The following PAM variants were observed in gnomAD, a reference collection of about 807,000 sequenced individuals.
PAM encodes the protein peptidylglycine alpha-amidating monooxygenase.
PAM carries 72 observed loss-of-function variants against 122.1 expected under a neutral mutation model. That is an observed-to-expected ratio of 0.59 (90% CI 0.49 to 0.72). The LOEUF is 0.72. PAM is among the 30% of genes least tolerant of loss of function. The probability of loss-of-function intolerance (pLI) is 0.00; values close to 1 mark genes in which losing one functional copy is unlikely to be tolerated. For missense variants in PAM, 1,106 were observed against 1,183.7 expected (o/e 0.93, Z 0.96); for synonymous variants, 389 against 404.4 (o/e 0.96, Z 0.46).
intron 21 of PAM, among the ~76,000 whole-genome samples, chr5:103,011,464 A>G (rs910236373): frequency 1.3e-5 from 2 of 151,818 alleles, no homozygotes; most frequent in East Asian, 1.9e-4. Context: ...CCATACATCT[A>G]TGAGTTCAAT....
At chr5:102,961,636 G>C (rs1214439251) in intron 14 of PAM, among the ~76,000 whole-genome samples, 1 of 151,792 alleles carries the variant, frequency 6.6e-6, no homozygotes, top group Non-Finnish European at 1.5e-5. Flanking sequence ...AAGAAATTAA[G>C]AATTAAATCC....
At chr5:102,889,988 T>G (rs1342514300) in intron 3 of PAM, among the ~76,000 whole-genome samples, 1 of 151,974 alleles carries the variant, frequency 6.6e-6, no homozygotes, top group Non-Finnish European at 1.5e-5. Context: ...TTTATGCCCC[T>G]GGAGCAATAC....
At chr5:102,869,102 C>T (rs1786521939) in intron 3 of PAM, among the ~76,000 whole-genome samples, 2 of 152,154 alleles carry the variant, frequency 1.3e-5, no homozygotes, top group African/African-American at 4.8e-5. Context: ...CTCCTTGCTC[C>T]TTCTCTGAGA....
chr5:102,886,293 G>A (rs1364179124), intron 3 of PAM, among the ~76,000 whole-genome samples: 2 of 151,842 alleles, frequency 1.3e-5, no homozygotes, highest in South Asian at 2.1e-4. Context: ...GTTTTTTTGC[G>A]AGATAAATTC....
chr5:102,923,148 G>T (rs1461617085), intron 5 of PAM, among the ~76,000 whole-genome samples: 1 of 152,164 alleles, frequency 6.6e-6, no homozygotes, highest in Non-Finnish European at 1.5e-5. Context: ...TCCTGGTTCT[G>T]GGTCCCTCAC....
chr5:102,983,474 T>TAA (rs1313232767), intron 15 of PAM, among the ~76,000 whole-genome samples: 1 of 148,824 alleles, frequency 6.7e-6, no homozygotes, highest in African/African-American at 2.6e-5. Flanking sequence ...CCTGAGATTT[T>TAA]AAAAAGAAAA....
intron 7 of PAM, among the ~76,000 whole-genome samples, chr5:102,931,634 AC>A (rs1751537155): frequency 6.6e-6 from 1 of 152,114 alleles, no homozygotes; most frequent in African/African-American, 2.4e-5. Context: ...CTGTGAACTC[AC>A]CTATTGAAGT....
chr5:103,012,051 G>A (rs1780782958), intron 21 of PAM, among the ~76,000 whole-genome samples: 1 of 152,090 alleles, frequency 6.6e-6, no homozygotes, highest in South Asian at 2.1e-4. Flanking sequence ...TTTGCCATTT[G>A]TATGTCTTCT....
At chr5:102,861,062 C>A (rs1255061607) in intron 1 of PAM, among the ~76,000 whole-genome samples, 1 of 152,180 alleles carries the variant, frequency 6.6e-6, no homozygotes, top group Non-Finnish European at 1.5e-5. Context: ...ACTCAAGTAG[C>A]CCGAGAGAGA....
At chr5:102,977,186 G>A (rs1172639747) in intron 15 of PAM, among the ~76,000 whole-genome samples, 1 of 152,110 alleles carries the variant, frequency 6.6e-6, no homozygotes, top group African/African-American at 2.4e-5. Flanking sequence ...GTAGGCCTAG[G>A]AACACCTGAG....
Position 102,756,992 on chromosome 5 carries a change from C to T in PAM, c.-374+1644C>T, listed in dbSNP as rs550225915. Among the ~76,000 whole-genome samples, 44 of 152,238 alleles carry T rather than the reference C, an allele frequency of 2.9e-4. 1 individual carries two copies. The South Asian group carries it at 8.7e-3, about 30-fold the overall frequency. On this transcript the variant is annotated intron_variant, in intron 1 of 25. Coordinates refer to ENST00000438793, the MANE Select transcript of PAM (RefSeq NM_001177306.2). Reference sequence around the variant, plus strand: ...ACAGTCTTCTAATGACTATACATGGCAAGTAGAATGAGGTCAAGAATGCAT... The same window carrying T: ...ACAGTCTTCTAATGACTATACATGGTAAGTAGAATGAGGTCAAGAATGCAT...
At chr5:102,812,034 T>C (rs910384523) in intron 1 of PAM, among the ~76,000 whole-genome samples, 1 of 152,166 alleles carries the variant, frequency 6.6e-6, no homozygotes, top group African/African-American at 2.4e-5. Flanking sequence ...GGGGTTTCTT[T>C]AGAAACAGAA....
chr5:102,878,727 T>C (rs1789983259), intron 3 of PAM, among the ~76,000 whole-genome samples: 1 of 151,860 alleles, frequency 6.6e-6, no homozygotes, highest in Non-Finnish European at 1.5e-5. Flanking sequence ...ACAAAAATGT[T>C]TAAAGTAAAA....
chr5:102,872,964 C>T (rs1184961391), intron 3 of PAM, among the ~76,000 whole-genome samples: 1 of 152,016 alleles, frequency 6.6e-6, no homozygotes, highest in African/African-American at 2.4e-5. Flanking sequence ...CTACCTACAG[C>T]CTACTATGCT....
At chr5:102,838,699 A>C (rs760929770) in intron 1 of PAM, 8 of 152,200 alleles carry the variant, frequency 5.3e-5, no homozygotes, top group Non-Finnish European at 1.0e-4. Context: ...AGCAGTAAAT[A>C]AAAATAAGAA....
chr5:102,819,145 C>T (rs1330384441), intron 1 of PAM, among the ~76,000 whole-genome samples: 1 of 152,132 alleles, frequency 6.6e-6, no homozygotes, highest in Non-Finnish European at 1.5e-5. Context: ...TCAAACAGAT[C>T]CTGAAACCCT....
intron 16 of PAM, among the ~76,000 whole-genome samples, chr5:102,994,414 A>T (rs1397277649): frequency 6.6e-6 from 1 of 152,202 alleles, no homozygotes; most frequent in East Asian, 1.9e-4. Context: ...CAAGCTCTCA[A>T]GCAATCTTAT....
intron 1 of PAM, among the ~76,000 whole-genome samples, chr5:102,759,304 A>C (rs376477736): frequency 6.6e-6 from 1 of 152,146 alleles, no homozygotes; most frequent in South Asian, 2.1e-4. Context: ...GACCTGAAGC[A>C]TGAGTGGTAG....
intron 3 of PAM, among the ~76,000 whole-genome samples, chr5:102,872,075 C>T (rs1323609674): frequency 1.3e-5 from 2 of 152,068 alleles, no homozygotes; most frequent in African/African-American, 4.8e-5. Flanking sequence ...TCATTTTCCT[C>T]CCTTATTTTG....
Sources: gnomAD v4.1 joint callset for allele counts (sites outside exome capture counted in the v4.1 genomes callset) on GRCh38, gnomAD v4.1.1 for gene constraint, MANE v1.5 for transcripts, NCBI Gene and HGNC (gene_info 2026-07-23, HGNC 2026-07-21) for gene names.